FBRSL1: variants seen among roughly 807,000 people sequenced by gnomAD.
The protein encoded by FBRSL1 is fibrosin-1-like protein.
In FBRSL1, 51 loss-of-function variants were observed where a neutral mutation model predicts 89.6. That is an observed-to-expected ratio of 0.57 (90% CI 0.45 to 0.72). The LOEUF is 0.72. Ranked by LOEUF, FBRSL1 falls within the 30% of genes least tolerant of loss-of-function variation. The probability of loss-of-function intolerance (pLI) is 0.00; values close to 1 mark genes in which losing one functional copy is unlikely to be tolerated. For missense variants in FBRSL1, 1,618 were observed against 1,451.8 expected (o/e 1.11, Z -1.86); for synonymous variants, 779 against 681.1 (o/e 1.14, Z -2.24).
chr12:132,569,786 C>T (rs2039881923), intron 6 of FBRSL1, 140 bp from the exon 7 acceptor site: 2 of 590,754 alleles, frequency 3.4e-6, no homozygotes, highest in Non-Finnish European at 5.2e-6. Flanking sequence ...GCCTCCGTGC[C>T]TGCCTCCTCA....
At chr12:132,572,384 C>T (rs34140384) in intron 10 of FBRSL1, 40 bp downstream of exon 10, 135,050 of 1,547,312 alleles carry the variant, frequency 0.087, 6,354 homozygotes, top group Middle Eastern at 0.12. Context: ...TCGCTGTGCA[C>T]GCAGGTCCTG....
intron 5 of FBRSL1, among the ~76,000 whole-genome samples, chr12:132,564,101 C>T (rs1469204215): frequency 1.3e-5 from 2 of 152,204 alleles, no homozygotes; most frequent in African/African-American, 2.4e-5. Context: ...GCTCACAGAG[C>T]GCGTGCCGAC....
chr12:132,542,447 G>C (rs946023586), intron 4 of FBRSL1, among the ~76,000 whole-genome samples: 1 of 152,220 alleles, frequency 6.6e-6, no homozygotes, highest in East Asian at 1.9e-4. Flanking sequence ...TGTTGTTGGG[G>C]TGTTTTTTCT....
intron 2 of FBRSL1, among the ~76,000 whole-genome samples, chr12:132,514,974 C>T (rs2034705853): frequency 6.6e-6 from 1 of 152,082 alleles, no homozygotes; most frequent in Non-Finnish European, 1.5e-5. Flanking sequence ...TTTACATTTA[C>T]AACACTTGAG....
chr12:132,557,646 T>G (rs1373783909), intron 5 of FBRSL1, among the ~76,000 whole-genome samples: 1 of 152,214 alleles, frequency 6.6e-6, no homozygotes, highest in Non-Finnish European at 1.5e-5. Context: ...TCTCCTGTGA[T>G]TCCAGTGGTG....
At chr12:132,522,379 G>T (rs1483902069) in intron 2 of FBRSL1, among the ~76,000 whole-genome samples, 1 of 151,950 alleles carries the variant, frequency 6.6e-6, no homozygotes, top group Non-Finnish European at 1.5e-5. Context: ...GTTGGTGAGG[G>T]GAGGGGACCT....
At chr12:132,491,453 G>C (rs2030943805) in intron 1 of FBRSL1, among the ~76,000 whole-genome samples, 1 of 152,262 alleles carries the variant, frequency 6.6e-6, no homozygotes, top group Admixed American at 6.5e-5. Context: ...GCTGAGCAGA[G>C]AAGGAAATTA....
chr12:132,509,453 A>G (rs1310832504), intron 2 of FBRSL1: 9 of 1,237,416 alleles, frequency 7.3e-6, no homozygotes, highest in Non-Finnish European at 6.0e-6. Context: ...GGCTCCTTCC[A>G]TCCCCAGATC....
chr12:132,520,589 C>T lies in FBRSL1; in HGVS notation c.490-5145C>T, dbSNP rs528904384. On this transcript the variant is annotated intron_variant, in intron 2 of 18. Transcript: ENST00000680143. ...CTGTGGGTGCGGCATCGGCTCCTCCCGACCAGGGACATGAGCCCAGCCCCC... is the reference window on the plus strand; with the variant it reads ...CTGTGGGTGCGGCATCGGCTCCTCCTGACCAGGGACATGAGCCCAGCCCCC... Among the ~76,000 whole-genome samples, 518 of 152,340 alleles carry T rather than the reference C, an allele frequency of 3.4e-3. 4 individuals are homozygous for T. Among genetic ancestry groups the T allele is most frequent in the Non-Finnish European group, 4.4e-3 (298 of 68,030 alleles).
In FBRSL1 at chr12:132,527,973, G is replaced by A. The variant is rs764312544; in HGVS notation, c.600G>A (p.Ser200=). ...TGCAGAGCTCTGCGCATGCGGTCTC[G>A]GGGAGAGGCTACTCTGTAAGTCTCC... is the stretch of plus-strand genomic sequence containing the variant. ...PLSDSSAHAV[S]GRGYSCDSES... is the part of the protein sequence containing the mutation. The change falls in exon 4 of 19, where the codon TCG becomes TCA. Residue 200 remains serine, a synonymous_variant. Coordinates refer to ENST00000680143, the MANE Select transcript of FBRSL1 (RefSeq NM_001367871.1). The A allele has an allele frequency of 2.8e-5, 43 of 1,551,342 alleles. No homozygotes were observed. The highest frequency in any genetic ancestry group is 2.6e-4 in the South Asian group (22 of 84,062).
intron 2 of FBRSL1, among the ~76,000 whole-genome samples, chr12:132,512,302 C>T (rs1256007726): frequency 6.6e-6 from 1 of 152,378 alleles, no homozygotes; most frequent in East Asian, 1.9e-4. Context: ...AGCTCAGAGT[C>T]CTCTGCATGG....
intron 5 of FBRSL1, 50 bp from the exon 6 acceptor site, chr12:132,567,431 G>T: frequency 6.5e-7 from 1 of 1,535,120 alleles, no homozygotes; most frequent in East Asian, 2.4e-5. Context: ...CAAGGTCCAC[G>T]AGGATGAGGA....
intron 8 of FBRSL1, 39 bp downstream of exon 8, chr12:132,570,579 TGGG>T: frequency 6.9e-7 from 1 of 1,440,510 alleles, no homozygotes; most frequent in Non-Finnish European, 9.1e-7. Context: ...GGGCAGGGGT[TGGG>T]GGGTGCGGGG....
intron 5 of FBRSL1, among the ~76,000 whole-genome samples, chr12:132,549,082 G>A (rs939403174): frequency 4.6e-5 from 7 of 152,298 alleles, no homozygotes; most frequent in South Asian, 2.1e-4. Flanking sequence ...GGCGGTGGCC[G>A]GGGGAGGAGG....
At position 132,571,081 on chromosome 12, in the gene FBRSL1, G is replaced by A. The variant is rs1168727372; in HGVS notation, c.1227G>A (p.Ala409=). The change falls in exon 9 of 19, where the codon GCG becomes GCA. Residue 409 remains alanine (A), a synonymous_variant. Coordinates refer to ENST00000680143, the MANE Select transcript of FBRSL1 (RefSeq NM_001367871.1). ...TCTTGCCTCTAGATGCCAGCCTGGCGGTCTCATTCAGCCAGCCAATCATGT... is the reference window on the plus strand; with the variant it reads ...TCTTGCCTCTAGATGCCAGCCTGGCAGTCTCATTCAGCCAGCCAATCATGT... ...LPGHPADASL[A]VSFSQPIMYC... 8 of 1,344,554 alleles carry A rather than the reference G, an allele frequency of 5.9e-6. No homozygotes were observed. The highest frequency in any genetic ancestry group is 2.8e-4 in the Middle Eastern group (1 of 3,572). The allele number at this position is 1,344,554 out of a possible 1,614,324, so 83.3% of individuals were successfully genotyped here. A position where few individuals can be genotyped will look rare whatever the true frequency, so the allele number is the denominator to read the frequency against.
intron 1 of FBRSL1, among the ~76,000 whole-genome samples, chr12:132,500,912 G>C (rs556064476): frequency 6.6e-6 from 1 of 152,192 alleles, no homozygotes; most frequent in African/African-American, 2.4e-5. Context: ...ACCCCAGCAG[G>C]CCTCTGGCTG....
At chr12:132,559,404 T>G (rs1280239957) in intron 5 of FBRSL1, among the ~76,000 whole-genome samples, 2 of 152,174 alleles carry the variant, frequency 1.3e-5, no homozygotes, top group Admixed American at 6.5e-5. Flanking sequence ...CTTTTTTCCT[T>G]TTTTTGAGAC....
intron 6 of FBRSL1, among the ~76,000 whole-genome samples, chr12:132,568,977 C>T (rs1035455671): frequency 6.6e-6 from 1 of 152,078 alleles, no homozygotes; most frequent in African/African-American, 2.4e-5. Context: ...TGGGCCATGG[C>T]TCACTGTCCC....
chr12:132,502,143 C>T (rs1314920715), intron 1 of FBRSL1, among the ~76,000 whole-genome samples: 1 of 152,228 alleles, frequency 6.6e-6, no homozygotes, highest in Non-Finnish European at 1.5e-5. Context: ...CATGCCCCAA[C>T]CTGCGGCAGC....
Sources: allele counts gnomAD v4.1 joint callset (sites outside exome capture counted in the v4.1 genomes callset), GRCh38; gene constraint gnomAD v4.1.1; transcripts MANE v1.5; gene names NCBI Gene and HGNC (gene_info 2026-07-23, HGNC 2026-07-21).